PLCL1: variants seen among roughly 807,000 people sequenced by gnomAD.
The protein encoded by PLCL1 is phospholipase C like 1 (inactive), also known as inactive phospholipase C-like protein 1.
A neutral mutation model predicts 84.4 loss-of-function variants in PLCL1; 41 were observed. The ratio of observed to expected loss-of-function variants is 0.49; its 90% CI spans 0.38 to 0.63. PLCL1 has a LOEUF of 0.63. Among genes scored for constraint, PLCL1 ranks in the 30% least tolerant of loss-of-function variants. PLCL1 has a pLI of 0.00. For synonymous variants in PLCL1, 490 were observed against 488.3 expected (o/e 1.00, Z -0.05); for missense variants, 1,206 against 1,367.8 (o/e 0.88, Z 1.87).
chr2:198,046,479 C>CA (rs1371284824), intron 1 of PLCL1, among the ~76,000 whole-genome samples: 1 of 152,120 alleles, frequency 6.6e-6, no homozygotes, highest in Non-Finnish European at 1.5e-5. Flanking sequence ...TCAGATAAGA[C>CA]ATAAATAAGT....
chr2:198,018,392 C>G (rs1691050702), intron 1 of PLCL1, among the ~76,000 whole-genome samples: 1 of 152,154 alleles, frequency 6.6e-6, no homozygotes, highest in African/African-American at 2.4e-5. Flanking sequence ...ACCGTTCACT[C>G]CCCTGGAATA....
chr2:198,094,781 T>C (rs3755332), intron 3 of PLCL1, among the ~76,000 whole-genome samples: 35,916 of 151,978 alleles, frequency 0.24, 4,587 homozygotes, highest in Middle Eastern at 0.31. Flanking sequence ...AAGGTGAAGG[T>C]GGGGTTGCTC....
At chr2:198,066,076 C>T (rs1261600501) in intron 1 of PLCL1, among the ~76,000 whole-genome samples, 1 of 152,076 alleles carries the variant, frequency 6.6e-6, no homozygotes, top group Non-Finnish European at 1.5e-5. Flanking sequence ...TTACCAATAC[C>T]ACTATTTTCC....
At position 198,084,763 on chromosome 2, in the gene PLCL1, T is replaced by C; in HGVS notation, c.1246T>C (p.Tyr416His). 1 of 1,614,110 alleles carries C rather than the reference T, an allele frequency of 6.2e-7. No individual in the cohort carries two copies. The highest frequency in any genetic ancestry group is 8.5e-7 in the Non-Finnish European group (1 of 1,179,978). The change falls in exon 2 of 6, where the codon TAT becomes CAT. Residue 416 changes from tyrosine (Y) to histidine (H), a missense_variant. Coordinates refer to ENST00000428675, the MANE Select transcript of PLCL1 (RefSeq NM_006226.4). ...CTATATCAATGCCTCTCATAACACC[T>C]ATCTAATAGAAGACCAGTTCAGGGG... ...HYYINASHNT[Y>H]LIEDQFRGPA...
intron 5 of PLCL1, among the ~76,000 whole-genome samples, chr2:198,131,925 A>G (rs918099581): frequency 1.3e-5 from 2 of 152,186 alleles, no homozygotes; most frequent in Non-Finnish European, 2.9e-5. Flanking sequence ...ATCTCAGGCT[A>G]GAAGATCCTT....
At chr2:197,892,866 G>T (rs893289218) in intron 1 of PLCL1, among the ~76,000 whole-genome samples, 1 of 152,012 alleles carries the variant, frequency 6.6e-6, no homozygotes, top group Non-Finnish European at 1.5e-5. Context: ...GTGGTGGCAC[G>T]CGCCTGTAGT....
intron 1 of PLCL1, among the ~76,000 whole-genome samples, chr2:198,060,779 AT>A (rs891995142): frequency 1.3e-5 from 2 of 151,946 alleles, no homozygotes; most frequent in Non-Finnish European, 2.9e-5. Context: ...AATAATGTTG[AT>A]TTTTTTTGTT....
At chr2:197,934,770 C>T (rs75484382) in intron 1 of PLCL1, among the ~76,000 whole-genome samples, 7 of 152,098 alleles carry the variant, frequency 4.6e-5, no homozygotes, top group African/African-American at 9.7e-5. Context: ...ACCTCACATA[C>T]GTATCATTCT....
chr2:198,005,471 A>G (rs1350435445), intron 1 of PLCL1, among the ~76,000 whole-genome samples: 1 of 152,232 alleles, frequency 6.6e-6, no homozygotes. Flanking sequence ...GTGTTCAAGA[A>G]GTCTTTCTTT....
In PLCL1 at chr2:197,804,806, C is replaced by A; in HGVS notation, c.-294C>A. The A allele has an allele frequency of 3.1e-6, 1 of 324,754 alleles. No individual in the cohort carries two copies. The highest frequency in any genetic ancestry group is 5.6e-6 in the Non-Finnish European group (1 of 178,220). 20.1% of individuals were successfully genotyped at this position (324,754 alleles called of 1,614,324 possible). ...TGCATCACATTTCGGATACCTCCCT[C>A]TCTTTTTCGCCTCTCCTTCTGCCTC... is the stretch of plus-strand genomic sequence containing the variant. On this transcript the variant is annotated 5_prime_UTR_variant, in exon 1 of 6. Transcript: ENST00000428675.
intron 1 of PLCL1, among the ~76,000 whole-genome samples, chr2:198,035,259 A>G (rs1691528969): frequency 6.6e-6 from 1 of 152,242 alleles, no homozygotes; most frequent in Non-Finnish European, 1.5e-5. Context: ...CAATAACTGT[A>G]TGAATTCGTG....
chr2:197,939,988 GT>G (rs1422035207), intron 1 of PLCL1, among the ~76,000 whole-genome samples: 1 of 152,164 alleles, frequency 6.6e-6, no homozygotes, highest in Admixed American at 6.5e-5. Context: ...GTGGGATGTT[GT>G]TAGTTTACAG....
intron 1 of PLCL1, among the ~76,000 whole-genome samples, chr2:198,000,849 A>G (rs1036002051): frequency 6.6e-6 from 1 of 152,180 alleles, no homozygotes; most frequent in African/African-American, 2.4e-5. Context: ...TTATTCATAA[A>G]AAATATGCAC....
At chr2:197,914,271 T>G (rs1688546121) in intron 1 of PLCL1, among the ~76,000 whole-genome samples, 1 of 152,078 alleles carries the variant, frequency 6.6e-6, no homozygotes, top group South Asian at 2.1e-4. Context: ...AGTGAATATC[T>G]GATTTATATG....
intron 1 of PLCL1, among the ~76,000 whole-genome samples, chr2:198,062,767 C>G (rs1692231749): frequency 6.6e-6 from 1 of 152,150 alleles, no homozygotes; most frequent in South Asian, 2.1e-4. Context: ...GGCCTCCCCC[C>G]TTTAACCTAC....
chr2:197,947,644 G>C (rs1287662673), intron 1 of PLCL1, among the ~76,000 whole-genome samples: 2 of 152,182 alleles, frequency 1.3e-5, no homozygotes, highest in Non-Finnish European at 2.9e-5. Context: ...AGGCTGCAAT[G>C]TAATGAATGG....
In PLCL1 at chr2:198,031,283, G is replaced by A. The variant is rs114693353; in HGVS notation, c.241-52475G>A. 2.4e-3 allele frequency among the ~76,000 whole-genome samples: 362 copies of A among 151,780 alleles called. 1 individual carries two copies. Among genetic ancestry groups the A allele is most frequent in the African/African-American group, 8.3e-3 (344 of 41,388 alleles). ...TAGCTACCTGAGAGGCGTGAGGATTGCTTGAACCCAAGAGTTTGAGGCTAT... is the reference window on the plus strand; with the variant it reads ...TAGCTACCTGAGAGGCGTGAGGATTACTTGAACCCAAGAGTTTGAGGCTAT... On this transcript the variant is annotated intron_variant, in intron 1 of 5. Coordinates refer to ENST00000428675, the MANE Select transcript of PLCL1 (RefSeq NM_006226.4).
At chr2:197,873,021 A>G (rs1448657680) in intron 1 of PLCL1, among the ~76,000 whole-genome samples, 1 of 152,136 alleles carries the variant, frequency 6.6e-6, no homozygotes, top group Non-Finnish European at 1.5e-5. Context: ...TATCTTGTTC[A>G]AAGTTTGTCA....
chr2:197,910,252 G>T (rs955322837), intron 1 of PLCL1, among the ~76,000 whole-genome samples: 2 of 152,166 alleles, frequency 1.3e-5, no homozygotes, highest in Non-Finnish European at 2.9e-5. Flanking sequence ...CTAGCTGCAC[G>T]ATTGATCACT....
Sources: gnomAD v4.1 joint callset for allele counts (sites outside exome capture counted in the v4.1 genomes callset) on GRCh38, gnomAD v4.1.1 for gene constraint, MANE v1.5 for transcripts, NCBI Gene and HGNC (gene_info 2026-07-23, HGNC 2026-07-21) for gene names.